Variants in ITSN1 observed in about 807,000 individuals in gnomAD.
ITSN1 encodes the protein intersectin-1.
Under a neutral mutation model 239.8 loss-of-function variants are expected in ITSN1, and 58 were observed. That is an observed-to-expected ratio of 0.24 (90% CI 0.20 to 0.30). The LOEUF (loss-of-function observed/expected upper bound fraction) is 0.30. ITSN1 is among the 10% of genes least tolerant of loss of function. The pLI is 1.00. For missense variants in ITSN1, 1,558 were observed against 2,103.3 expected (o/e 0.74, Z 5.07); for synonymous variants, 780 against 770.8 (o/e 1.01, Z -0.20).
intron 1 of ITSN1, among the ~76,000 whole-genome samples, chr21:33,696,286 T>C (rs572277064): frequency 1.3e-5 from 2 of 152,218 alleles, no homozygotes; most frequent in African/African-American, 4.8e-5. Context: ...TTTATCAATA[T>C]GTACCTGTGC....
rs34448559 is a variant in ITSN1, at chr21:33,883,894, G to GT, written c.4676+246dup. ...ATGGATTCAAACTAATTTTGCTTGA[G>GT]TTTTTTTTTTTTTTTTTTTTTTTAA... On this transcript the variant is annotated intron_variant, in intron 36 of 39. Coordinates refer to ENST00000381318, the MANE Select transcript of ITSN1 (RefSeq NM_003024.3). 0.22 allele frequency among the ~76,000 whole-genome samples: 23,663 copies of GT among 109,598 alleles called. 4,406 individuals are homozygous for GT. The highest frequency in any genetic ancestry group is 0.51 in the African/African-American group (14,159 of 28,014). The allele number at this position is 109,598 out of a possible 152,430, so 71.9% of individuals were successfully genotyped here.
At chr21:33,728,697 A>T (rs146164595) in intron 4 of ITSN1, among the ~76,000 whole-genome samples, 1 of 152,190 alleles carries the variant, frequency 6.6e-6, no homozygotes, top group East Asian at 1.9e-4. Context: ...CTGACCAGCT[A>T]GTGTAAAGTG....
chr21:33,864,811 C>T, intron 31 of ITSN1, among the ~76,000 whole-genome samples: 1 of 152,188 alleles, frequency 6.6e-6, no homozygotes, highest in East Asian at 1.9e-4. Context: ...GATCAGTGCT[C>T]AGGCCACATC....
intron 1 of ITSN1, chr21:33,643,867 G>A (rs2087682435): frequency 6.6e-6 from 1 of 152,228 alleles, no homozygotes; most frequent in South Asian, 2.1e-4. Context: ...ACAAACAAAT[G>A]CCTCTAGAAA....
rs190488178 is a variant in ITSN1 at position 33,819,555 on chromosome 21, T to G, written c.3016+232T>G. Among the ~76,000 whole-genome samples, 14 of 152,366 alleles carry G rather than the reference T, an allele frequency of 9.2e-5. No individual in the cohort carries two copies. In the East Asian group the frequency reaches 2.7e-3, roughly 29 times the overall value. On this transcript the variant is annotated intron_variant, in intron 24 of 39. Transcript: ENST00000381318. The stretch of plus-strand genomic sequence containing the variant: ...CTAATTATATTTTATTATAAGCCCT[T>G]TGACTTTTAAAAGAGACCCATTCAG...
intron 33 of ITSN1, among the ~76,000 whole-genome samples, chr21:33,872,465 A>G (rs1477376607): frequency 6.6e-6 from 1 of 152,248 alleles, no homozygotes; most frequent in Non-Finnish European, 1.5e-5. Context: ...AAAGCAATGT[A>G]TGAAATAGTA....
chr21:33,644,801 G>A (rs2087779071), intron 1 of ITSN1, among the ~76,000 whole-genome samples: 1 of 151,312 alleles, frequency 6.6e-6, no homozygotes. Context: ...AAGAGATTAA[G>A]GAGGAGCTGC....
intron 1 of ITSN1, among the ~76,000 whole-genome samples, chr21:33,711,292 G>C (rs1050437373): frequency 4.0e-5 from 6 of 150,724 alleles, no homozygotes; most frequent in South Asian, 2.1e-4. Flanking sequence ...TTTTCTCTCT[G>C]TATCTAGCTC....
chr21:33,809,042 A>G (rs1250626377), intron 20 of ITSN1, among the ~76,000 whole-genome samples: 1 of 152,246 alleles, frequency 6.6e-6, no homozygotes, highest in Non-Finnish European at 1.5e-5. Context: ...AAGGAAAGAC[A>G]TCTAGCCATT....
intron 12 of ITSN1, among the ~76,000 whole-genome samples, chr21:33,773,711 G>T (rs138491843): frequency 1.3e-5 from 2 of 150,396 alleles, no homozygotes; most frequent in African/African-American, 2.5e-5. Flanking sequence ...ACAGACTCTC[G>T]CTCTGTTGCC....
chr21:33,809,800 A>AT lies in ITSN1; in HGVS notation c.2320-1165dup, dbSNP rs201399751. On this transcript the variant is annotated intron_variant, in intron 20 of 39. Coordinates refer to ENST00000381318, the MANE Select transcript of ITSN1 (RefSeq NM_003024.3). ...TAAGAATTATAGTAATGAAAATAAA[A>AT]TTTTTTTTTTGAGACGGAGTTTCAC... is the stretch of plus-strand genomic sequence containing the variant. Among the ~76,000 whole-genome samples the AT allele has an allele frequency of 8.4e-3, 1,269 of 150,672 alleles. 71 individuals carry two copies. Among genetic ancestry groups the AT allele is most frequent in the Admixed American group, 0.078 (1,176 of 15,120 alleles).
chr21:33,827,452 A>G (rs1602475419), intron 26 of ITSN1, among the ~76,000 whole-genome samples: 1 of 152,132 alleles, frequency 6.6e-6, no homozygotes, highest in Non-Finnish European at 1.5e-5. Context: ...TAATTCAGGC[A>G]AGATGCTGGG....
intron 1 of ITSN1, among the ~76,000 whole-genome samples, chr21:33,696,202 C>T (rs1307345235): frequency 6.6e-6 from 1 of 152,016 alleles, no homozygotes; most frequent in African/African-American, 2.4e-5. Context: ...TGTTGGACTT[C>T]TCCCATTCTT....
At chr21:33,757,274 T>C (rs1321821052) in intron 8 of ITSN1, among the ~76,000 whole-genome samples, 1 of 152,220 alleles carries the variant, frequency 6.6e-6, no homozygotes, top group East Asian at 1.9e-4. Flanking sequence ...ATGTGTGTTT[T>C]ATGAATGAAA....
chr21:33,861,991 T>TG (rs1555963705), intron 31 of ITSN1, among the ~76,000 whole-genome samples: 1 of 58,168 alleles, frequency 1.7e-5, no homozygotes, highest in Non-Finnish European at 3.0e-5. Context: ...TCATCTCTAC[T>TG]AAAAAAAAAA....
chr21:33,776,266 G>A (rs2069599725), intron 14 of ITSN1, among the ~76,000 whole-genome samples: 1 of 151,806 alleles, frequency 6.6e-6, no homozygotes. Flanking sequence ...ATAAGAAACT[G>A]TCAGGCTGGG....
intron 1 of ITSN1, chr21:33,643,597 G>A (rs879593065): frequency 3.3e-5 from 5 of 152,112 alleles, no homozygotes; most frequent in Admixed American, 3.3e-4. Context: ...AAATAGATTA[G>A]CGGCTTCTCT....
intron 1 of ITSN1, among the ~76,000 whole-genome samples, chr21:33,678,132 C>T (rs749412813): frequency 1.1e-4 from 17 of 152,158 alleles, no homozygotes; most frequent in Non-Finnish European, 2.2e-4. Context: ...GTCTGCTTTG[C>T]GGTAGCCTAA....
At chr21:33,812,770 A>C (rs999461593) in intron 21 of ITSN1, among the ~76,000 whole-genome samples, 7 of 152,084 alleles carry the variant, frequency 4.6e-5, no homozygotes, top group African/African-American at 1.7e-4. Flanking sequence ...AAGCGCTGGG[A>C]TTAGAGGTAT....
Sources: gnomAD v4.1 joint callset for allele counts (sites outside exome capture counted in the v4.1 genomes callset) on GRCh38, gnomAD v4.1.1 for gene constraint, MANE v1.5 for transcripts, NCBI Gene and HGNC (gene_info 2026-07-23, HGNC 2026-07-21) for gene names.